Variants in BTNL9 observed in about 807,000 individuals in gnomAD.
The protein encoded by BTNL9 is butyrophilin like 9, also known as butyrophilin-like protein 9.
Under a neutral mutation model 45.8 loss-of-function variants are expected in BTNL9, and 45 were observed. The ratio of observed to expected loss-of-function variants is 0.98; its 90% CI spans 0.77 to 1.26. BTNL9 has a LOEUF of 1.26. Among genes scored for constraint, BTNL9 ranks in the 50% most tolerant of loss-of-function variants. The probability of loss-of-function intolerance (pLI) is 0.00; values close to 1 mark genes in which losing one functional copy is unlikely to be tolerated. For missense variants in BTNL9, 784 were observed against 729.7 expected (o/e 1.07, Z -0.86); for synonymous variants, 346 against 330.8 (o/e 1.05, Z -0.50).
At position 181,053,720 on chromosome 5, in the gene BTNL9, G is replaced by A. The variant is rs1290121040; in HGVS notation, c.886+219G>A. On this transcript the variant is annotated intron_variant, in intron 6 of 10. Transcript: ENST00000327705. The surrounding 1 kb of genome is among the most constrained non-coding windows in gnomAD (Gnocchi z 6.5). ...GGCTGCATTTTCCACGGAGGCTAGTGCACAGATGTCAGGGTTGACCGGCTG... is the reference window on the plus strand; with the variant it reads ...GGCTGCATTTTCCACGGAGGCTAGTACACAGATGTCAGGGTTGACCGGCTG... 11 of 1,514,540 alleles carry A rather than the reference G, an allele frequency of 7.3e-6. No homozygotes were observed. The East Asian group carries it at 2.0e-4, about 27-fold the overall frequency. 93.8% of individuals were successfully genotyped at this position (1,514,540 alleles called of 1,614,324 possible).
At chr5:181,048,768 TA>T (rs1761342134) in intron 3 of BTNL9, among the ~76,000 whole-genome samples, 6 of 65,362 alleles carry the variant, frequency 9.2e-5, no homozygotes, top group Non-Finnish European at 2.0e-4. Flanking sequence ...TAGATATATA[TA>T]GTATGCTATA....
chr5:181,059,939 C>T lies in BTNL9; in HGVS notation c.*77C>T. 1 of 1,303,456 alleles carries T rather than the reference C, an allele frequency of 7.7e-7. No homozygotes were observed. The highest frequency in any genetic ancestry group is 1.0e-6 in the Non-Finnish European group (1 of 974,970). The allele number at this position is 1,303,456 out of a possible 1,614,324, so 80.7% of individuals were successfully genotyped here. A position where few individuals can be genotyped will look rare whatever the true frequency, so the allele number is the denominator to read the frequency against. On this transcript the variant is annotated 3_prime_UTR_variant, in exon 11 of 11. Coordinates refer to ENST00000327705, the MANE Select transcript of BTNL9 (RefSeq NM_152547.5). ...CCAGCGCTTTGCTCTCCTGCTCCGT[C>T]TGAAGGGAGCAGGTGCACCAGCCAA...
At chr5:181,056,518 G>C (rs1375123314) in intron 9 of BTNL9, 6 of 716,922 alleles carry the variant, frequency 8.4e-6, no homozygotes, top group Non-Finnish European at 1.6e-5. Flanking sequence ...CATTCAGTCT[G>C]TTTTTCCTCC....
intron 9 of BTNL9, chr5:181,057,008 CTG>C (rs55829278): frequency 0.26 from 42,257 of 161,272 alleles, 5,871 homozygotes; most frequent in African/African-American, 0.33. Flanking sequence ...TATTATATAT[CTG>C]TGTGTGTGTG....
At position 181,059,319 on chromosome 5, in the gene BTNL9, GC is replaced by G; in HGVS notation, c.1067del (p.Pro356ArgfsTer19). On this transcript the variant is annotated frameshift_variant, in exon 11 of 11. Transcript: ENST00000327705. LOFTEE classifies it low-confidence loss of function (END_TRUNC). ...DGKSVSSRGA[P>X]PGPAPGHPQR... is the part of the protein sequence containing the mutation. Reference sequence around the variant, plus strand: ...GCAAGAGCGTGTCTTCCCGCGGGGCGCCGCCAGGCCCGGCGCCTGGCCACCC... The same window carrying G: ...GCAAGAGCGTGTCTTCCCGCGGGGCGCGCCAGGCCCGGCGCCTGGCCACCC... 3 of 1,555,848 alleles carry G rather than the reference GC, an allele frequency of 1.9e-6. No individual in the cohort carries two copies. The South Asian group carries it at 3.5e-5, about 18-fold the overall frequency.
rs775772469 is a variant in BTNL9 at position 181,059,386 on chromosome 5, C to T, written c.1132C>T (p.Arg378Trp). The T allele has an allele frequency of 3.7e-5, 57 of 1,526,432 alleles. No individual in the cohort carries two copies. In the African/African-American group the frequency reaches 7.5e-4, roughly 20 times the overall value. The allele number at this position is 1,526,432 out of a possible 1,614,324, so 94.6% of individuals were successfully genotyped here. A position where few individuals can be genotyped will look rare whatever the true frequency, so the allele number is the denominator to read the frequency against. ...GCAGACGTGCGCGCTGAGCCTGGAG[C>T]GGTTCTCCGCCGGCCGCCACTACTG... The part of the protein sequence containing the change: ...SEQTCALSLE[R>W]FSAGRHYWEV... Residue 378 changes from arginine (R) to tryptophan (W), a missense_variant, in exon 11 of 11, where the codon CGG becomes TGG. Arg to Trp is a moderately radical substitution (Grantham distance 101, BLOSUM62 -3). Coordinates refer to ENST00000327705, the MANE Select transcript of BTNL9 (RefSeq NM_152547.5).
In BTNL9 at chr5:181,055,014, G is replaced by A. The variant is rs1171999816; in HGVS notation, c.908-419G>A. 4 of 985,322 alleles carry A rather than the reference G, an allele frequency of 4.1e-6. No homozygotes were observed. The highest frequency in any genetic ancestry group is 2.3e-4 in the East Asian group (2 of 8,824). The allele number at this position is 985,322 out of a possible 1,614,324, so 61.0% of individuals were successfully genotyped here. On this transcript the variant is annotated intron_variant, in intron 7 of 10. Transcript: ENST00000327705. This position sits in a 1 kb window ranked among gnomAD's most constrained non-coding sequence, Gnocchi z 4.4. ...TGGTAATTATTTGGGGAAATAATTG[G>A]GTGTGATGTCCTTCCAGTCCTTCAG...
At chr5:181,052,881 G>C (rs933973421) in intron 4 of BTNL9, 2 of 152,418 alleles carry the variant, frequency 1.3e-5, no homozygotes, top group African/African-American at 4.8e-5. Flanking sequence ...AAGCCCCTGG[G>C]ACCCTCCCGC....
At position 181,058,387 on chromosome 5, in the gene BTNL9, A is replaced by C. The variant is rs1761989462; in HGVS notation, c.982+9A>C. Reference sequence around the variant, plus strand: ...AGCCCAAAAATATGCAGGTAACTGAAGCCAGGAAACTGATTTGTGTTTTGG... The same window carrying C: ...AGCCCAAAAATATGCAGGTAACTGACGCCAGGAAACTGATTTGTGTTTTGG... On this transcript the variant is annotated intron_variant, in intron 10 of 10. Transcript: ENST00000327705. 2 of 1,614,156 alleles carry C rather than the reference A, an allele frequency of 1.2e-6. No homozygotes were observed. The highest frequency in any genetic ancestry group is 2.2e-5 in the East Asian group (1 of 44,890).
In BTNL9 at chr5:181,053,263, T is replaced by G; in HGVS notation, c.800T>G (p.Leu267Trp). Residue 267 changes from leucine (L) to tryptophan (W), a missense_variant, in exon 5 of 11, where the codon TTG becomes TGG. By Grantham distance (61) the Leu-to-Trp change is moderately conservative (BLOSUM62 -2). Coordinates refer to ENST00000327705, the MANE Select transcript of BTNL9 (RefSeq NM_152547.5). This position sits in a 1 kb window ranked among gnomAD's most constrained non-coding sequence, Gnocchi z 6.5. ...SAFVATLPLLLVLAALALGVL... is the reference protein window; with the variant it reads ...SAFVATLPLLWVLAALALGVL... ...TTCGTCGCGACCCTGCCGCTGCTGTTGGTCCTCGCGGCGCTGGCGCTGGGC... is the reference window on the plus strand; with the variant it reads ...TTCGTCGCGACCCTGCCGCTGCTGTGGGTCCTCGCGGCGCTGGCGCTGGGC... 1 of 1,588,862 alleles carries G rather than the reference T, an allele frequency of 6.3e-7. No homozygotes were observed. Among genetic ancestry groups the G allele is most frequent in the Non-Finnish European group, 8.6e-7 (1 of 1,168,872 alleles).
chr5:181,049,179 G>T (rs973620667), intron 3 of BTNL9, among the ~76,000 whole-genome samples: 3 of 151,830 alleles, frequency 2.0e-5, no homozygotes, highest in Admixed American at 6.6e-5. Context: ...CTAGCTGTGT[G>T]GCTACCCTCT....
chr5:181,045,427 C>A (rs1293382280), intron 1 of BTNL9, 40 bp from the exon 2 acceptor site: 2 of 1,081,514 alleles, frequency 1.8e-6, no homozygotes, highest in Non-Finnish European at 1.4e-6. Context: ...GCTCCCCCTA[C>A]CTTTGCACGT....
intron 4 of BTNL9, among the ~76,000 whole-genome samples, chr5:181,052,574 A>G (rs1582137468): frequency 6.6e-6 from 1 of 152,168 alleles, no homozygotes. Flanking sequence ...ACAGAAAGTT[A>G]CTCTATTCAA....
Position 181,059,767 on chromosome 5 carries a change from C to G in BTNL9, c.1513C>G (p.Leu505Val), listed in dbSNP as rs995452979. The change falls in exon 11 of 11, where the codon CTG becomes GTG. Residue 505 changes from leucine (L) to valine (V), a missense_variant. By Grantham distance (32) the Leu-to-Val change is conservative. Transcript: ENST00000327705. ...EHPDPLTICPLPVRGTGVPEE... is the reference protein window; with the variant it reads ...EHPDPLTICPVPVRGTGVPEE... ...TCCGGATCCCCTGACCATCTGCCCGCTGCCGGTTAGAGGGACGGGCGTCCC... is the reference window on the plus strand; with the variant it reads ...TCCGGATCCCCTGACCATCTGCCCGGTGCCGGTTAGAGGGACGGGCGTCCC... The G allele has an allele frequency of 1.2e-6, 2 of 1,611,410 alleles. No individual in the cohort carries two copies. Among genetic ancestry groups the G allele is most frequent in the Non-Finnish European group, 1.7e-6 (2 of 1,179,780 alleles).
chr5:181,053,513 C>CA lies in BTNL9; in HGVS notation c.886+13dup. 6.3e-7 allele frequency: 1 copy of CA among 1,575,172 alleles called. No homozygotes were observed. Among genetic ancestry groups the CA allele is most frequent in the Non-Finnish European group, 8.6e-7 (1 of 1,160,290 alleles). ...GGAGAAGAGACAAGGTGAGCGGGGA[C>CA]AGGGCGTTCTGCACGCACCTGCCCA... On this transcript the variant is annotated intron_variant, in intron 6 of 10. Coordinates refer to ENST00000327705, the MANE Select transcript of BTNL9 (RefSeq NM_152547.5). This position sits in a 1 kb window ranked among gnomAD's most constrained non-coding sequence, Gnocchi z 6.5.
In BTNL9 at chr5:181,060,697, A is replaced by G. The variant is rs1428590545; in HGVS notation, c.*835A>G. 1.3e-5 allele frequency: 2 copies of G among 152,200 alleles called. No homozygotes were observed. The highest frequency in any genetic ancestry group is 2.9e-5 in the Non-Finnish European group (2 of 68,038). 9.4% of individuals were successfully genotyped at this position (152,200 alleles called of 1,614,324 possible). A position where few individuals can be genotyped will look rare whatever the true frequency, so the allele number is the denominator to read the frequency against. Reference sequence around the variant, plus strand: ...TTTCCAGTCTCAAAGCAGTAACCTTATACACTACTTATAAGTTTGAAAGGG... The same window carrying G: ...TTTCCAGTCTCAAAGCAGTAACCTTGTACACTACTTATAAGTTTGAAAGGG... On this transcript the variant is annotated 3_prime_UTR_variant, in exon 11 of 11. Transcript: ENST00000327705.
At position 181,054,264 on chromosome 5, in the gene BTNL9, G is replaced by A. The variant is rs1017723562; in HGVS notation, c.907+5G>A. 6.2e-7 allele frequency: 1 copy of A among 1,608,900 alleles called. No homozygotes were observed. The highest frequency in any genetic ancestry group is 8.5e-7 in the Non-Finnish European group (1 of 1,179,156). On this transcript the variant is annotated splice_donor_5th_base_variant and intron_variant, in intron 7 of 10. Transcript: ENST00000327705. ...AGAAACTCACTGCAGAGCTGGGTAA[G>A]TTCTGGGTGCGGGGCCACAGTGCTG...
chr5:181,053,896 G>T lies in BTNL9; in HGVS notation c.887-343G>T, dbSNP rs140937123. 6 of 1,506,766 alleles carry T rather than the reference G, an allele frequency of 4.0e-6. No individual in the cohort carries two copies. The highest frequency in any genetic ancestry group is 5.3e-6 in the Non-Finnish European group (6 of 1,128,426). The allele number at this position is 1,506,766 out of a possible 1,614,324, so 93.3% of individuals were successfully genotyped here. ...TCTCCGCACAGGGTCAGGAAGCGGCGGTCAGGCACCGAGAAAACAGCCCAG... is the reference window on the plus strand; with the variant it reads ...TCTCCGCACAGGGTCAGGAAGCGGCTGTCAGGCACCGAGAAAACAGCCCAG... On this transcript the variant is annotated intron_variant, in intron 6 of 10. Coordinates refer to ENST00000327705, the MANE Select transcript of BTNL9 (RefSeq NM_152547.5). The surrounding 1 kb of genome is among the most constrained non-coding windows in gnomAD (Gnocchi z 6.5).
chr5:181,050,085 C>G lies in BTNL9; in HGVS notation c.455-3C>G, dbSNP rs1761452014. The G allele has an allele frequency of 1.9e-6, 3 of 1,611,016 alleles. No individual in the cohort carries two copies. The highest frequency in any genetic ancestry group is 1.7e-5 in the Admixed American group (1 of 59,790). On this transcript the variant is annotated splice_polypyrimidine_tract_variant and splice_region_variant and intron_variant, in intron 3 of 10. Transcript: ENST00000327705. This position sits in a 1 kb window ranked among gnomAD's most constrained non-coding sequence, Gnocchi z 4.9. ...CCTTTCCCACTCCTCCTGCCTCCACCAGGGCTGGGCTCAGACCCTCACCTC... is the reference window on the plus strand; with the variant it reads ...CCTTTCCCACTCCTCCTGCCTCCACGAGGGCTGGGCTCAGACCCTCACCTC...
Sources: gnomAD v4.1 joint callset for allele counts (sites outside exome capture counted in the v4.1 genomes callset) on GRCh38, gnomAD v4.1.1 for gene constraint, Gnocchi (gnomAD v3.1) non-coding constraint, MANE v1.5 for transcripts, NCBI Gene and HGNC (gene_info 2026-07-23, HGNC 2026-07-21) for gene names.